SSBP3: variants seen among roughly 807,000 people sequenced by gnomAD.
SSBP3 encodes the protein single-stranded DNA-binding protein 3.
Under a neutral mutation model 69.6 loss-of-function variants are expected in SSBP3, and 5 were observed. The observed-to-expected ratio is 0.07, with a 90% CI of 0.04 to 0.15. The LOEUF is 0.15. Among genes scored for constraint, SSBP3 ranks in the 10% least tolerant of loss-of-function variants. The pLI, the probability that SSBP3 is intolerant of heterozygous loss-of-function variation, is 1.00. For missense variants in SSBP3, 312 were observed against 534.0 expected, an observed-to-expected ratio of 0.58 and a Z score of 4.10; for synonymous variants, 196 against 193.4, an observed-to-expected ratio of 1.01 and a Z score of -0.11.
exon 15 of SSBP3, chr1:54,228,797 C>T (rs145292509): frequency 1.7e-5 from 28 of 1,611,408 alleles, no homozygotes; most frequent in East Asian, 1.1e-4. Context: ...TGCCGCCCAT[C>T]GGACCGTCCG....
At position 54,307,802 on chromosome 1, in the gene SSBP3, C is replaced by T. The variant is rs530168484; in HGVS notation, c.277-26275G>A. 5.4e-5 allele frequency among the ~76,000 whole-genome samples: 8 copies of T among 147,464 alleles called. No homozygotes were observed. In the Admixed American group the frequency reaches 5.4e-4, roughly 10 times the overall value. ...CAGTTTACAAATGCAATGGCAACGT[C>T]AGCAAGTTACCCTATATGGTCTAAA... On this transcript the variant is annotated intron_variant, in intron 4 of 17. Transcript: ENST00000610401.
chr1:54,302,320 T>C (rs1019524566), intron 4 of SSBP3, among the ~76,000 whole-genome samples: 1 of 134,190 alleles, frequency 7.5e-6, no homozygotes, highest in African/African-American at 2.7e-5. Context: ...TGAGCATAAT[T>C]TTTTTTTTTT....
chr1:54,365,688 G>A (rs1443279121), intron 4 of SSBP3, among the ~76,000 whole-genome samples: 3 of 152,054 alleles, frequency 2.0e-5, no homozygotes, highest in Non-Finnish European at 2.9e-5. Flanking sequence ...CGTCATGAAC[G>A]GCCATACCCC....
chr1:54,403,183 C>G (rs1040857334), intron 3 of SSBP3, among the ~76,000 whole-genome samples: 6 of 152,198 alleles, frequency 3.9e-5, no homozygotes, highest in African/African-American at 1.4e-4. Context: ...ACAACAGACT[C>G]TACGTTCCTG....
chr1:54,240,091 C>CGCGCGTGTGCGT (rs1644592740), intron 13 of SSBP3, among the ~76,000 whole-genome samples: 1 of 33,836 alleles, frequency 3.0e-5, no homozygotes, highest in East Asian at 3.8e-3. Flanking sequence ...TGTGTGTGCG[C>CGCGCGTGTGCGT]GCGCGCGCGT....
At chr1:54,241,004 G>A (rs377303969) in intron 12 of SSBP3, 45 bp from the exon 13 acceptor site, 9 of 1,572,664 alleles carry the variant, frequency 5.7e-6, no homozygotes, top group African/African-American at 1.4e-5. Context: ...CGGTGGTAAC[G>A]AACATGGGGA....
chr1:54,320,022 G>A (rs890916721), intron 4 of SSBP3, among the ~76,000 whole-genome samples: 4 of 152,172 alleles, frequency 2.6e-5, no homozygotes, highest in Non-Finnish European at 5.9e-5. Flanking sequence ...ACAGGAGGCA[G>A]CTTGCCATCC....
chr1:54,341,927 T>C (rs1247848543), intron 4 of SSBP3, among the ~76,000 whole-genome samples: 2 of 152,114 alleles, frequency 1.3e-5, no homozygotes, highest in African/African-American at 2.4e-5. Context: ...CTGGCACTTC[T>C]GAGAAACCAA....
intron 4 of SSBP3, among the ~76,000 whole-genome samples, chr1:54,336,498 G>A (rs901625332): frequency 6.6e-6 from 1 of 152,094 alleles, no homozygotes; most frequent in Non-Finnish European, 1.5e-5. Flanking sequence ...AGCCAGCACT[G>A]TCCAGAGCCT....
intron 4 of SSBP3, among the ~76,000 whole-genome samples, chr1:54,385,671 C>T (rs1317299687): frequency 6.6e-6 from 1 of 152,244 alleles, no homozygotes; most frequent in African/African-American, 2.4e-5. Flanking sequence ...TCCCTAAGCA[C>T]AGATACCTTC....
chr1:54,319,173 A>G (rs1646169404), intron 4 of SSBP3, among the ~76,000 whole-genome samples: 1 of 152,186 alleles, frequency 6.6e-6, no homozygotes, highest in Non-Finnish European at 1.5e-5. Flanking sequence ...TAGAGAAGTG[A>G]GGAAGTATCC....
At chr1:54,283,849 T>G (rs1426378486) in intron 4 of SSBP3, among the ~76,000 whole-genome samples, 1 of 152,210 alleles carries the variant, frequency 6.6e-6, no homozygotes, top group East Asian at 1.9e-4. Context: ...AGATGGGGCC[T>G]CGTGAGGGAA....
chr1:54,227,181 A>AGCG (rs758852733), intron 17 of SSBP3, 21 bp from the exon 18 acceptor site: 2 of 450,068 alleles, frequency 4.4e-6, no homozygotes, highest in African/African-American at 7.5e-5. Flanking sequence ...GAAGCAGAGA[A>AGCG]GGGGGGGGGG....
intron 5 of SSBP3, among the ~76,000 whole-genome samples, chr1:54,268,106 T>C (rs1388968081): frequency 1.3e-5 from 2 of 152,094 alleles, no homozygotes; most frequent in African/African-American, 4.8e-5. Flanking sequence ...AGCACCCCTC[T>C]CTCTCCCTGA....
At chr1:54,321,962 AG>A (rs1646221705) in intron 4 of SSBP3, among the ~76,000 whole-genome samples, 1 of 152,182 alleles carries the variant, frequency 6.6e-6, no homozygotes, top group African/African-American at 2.4e-5. Context: ...GGTTGGAAGA[AG>A]GGCTGGAAAA....
chr1:54,391,755 G>T (rs867244531), intron 4 of SSBP3, among the ~76,000 whole-genome samples: 15 of 152,312 alleles, frequency 9.8e-5, no homozygotes, highest in South Asian at 4.1e-4. Flanking sequence ...CACCAGGAGG[G>T]GACAGGGAAT....
chr1:54,394,998 C>G (rs1012221780), intron 4 of SSBP3, among the ~76,000 whole-genome samples: 1 of 151,136 alleles, frequency 6.6e-6, no homozygotes, highest in Non-Finnish European at 1.5e-5. Flanking sequence ...CCACCGCGCC[C>G]GGCTAAGACT....
intron 4 of SSBP3, among the ~76,000 whole-genome samples, chr1:54,399,189 TG>T (rs1166037819): frequency 6.6e-6 from 1 of 152,160 alleles, no homozygotes; most frequent in Non-Finnish European, 1.5e-5. Flanking sequence ...GTCTCCACCA[TG>T]GAAAAAATTA....
intron 4 of SSBP3, among the ~76,000 whole-genome samples, chr1:54,307,131 C>T (rs1645914416): frequency 6.6e-6 from 1 of 152,194 alleles, no homozygotes; most frequent in Admixed American, 6.5e-5. Flanking sequence ...GCTCCCTCTA[C>T]TTCTTCTGCC....
Sources: allele counts gnomAD v4.1 joint callset (sites outside exome capture counted in the v4.1 genomes callset), GRCh38; gene constraint gnomAD v4.1.1; transcripts MANE v1.5; gene names NCBI Gene and HGNC (gene_info 2026-07-23, HGNC 2026-07-21).